SH3PXD2A: variants seen among roughly 807,000 people sequenced by gnomAD.
The protein encoded by SH3PXD2A is SH3 and PX domains 2A.
A neutral mutation model predicts 115.2 loss-of-function variants in SH3PXD2A; 32 were observed. The ratio of observed to expected loss-of-function variants is 0.28; its 90% CI spans 0.21 to 0.37. The LOEUF (loss-of-function observed/expected upper bound fraction) is 0.37, where lower values mean the gene tolerates loss of function less well. Ranked by LOEUF, SH3PXD2A falls within the 10% of genes least tolerant of loss-of-function variation. The probability of loss-of-function intolerance (pLI) is 1.00; values close to 1 mark genes in which losing one functional copy is unlikely to be tolerated. For missense variants in SH3PXD2A, 1,328 were observed against 1,498.7 expected (o/e 0.89, Z 1.88); for synonymous variants, 610 against 629.1 (o/e 0.97, Z 0.45).
intron 13 of SH3PXD2A, chr10:103,609,861 G>A (rs1325693348): frequency 6.6e-6 from 1 of 152,228 alleles, no homozygotes; most frequent in Non-Finnish European, 1.5e-5. Flanking sequence ...CTTGGGGCTG[G>A]ACTCCAATCA....
At chr10:103,680,656 A>G (rs1039138734) in intron 6 of SH3PXD2A, among the ~76,000 whole-genome samples, 2 of 152,242 alleles carry the variant, frequency 1.3e-5, no homozygotes, top group African/African-American at 4.8e-5. Flanking sequence ...TTATTCTAAC[A>G]ATAAATAACA....
intron 3 of SH3PXD2A, among the ~76,000 whole-genome samples, chr10:103,761,711 C>T (rs1303925797): frequency 1.3e-5 from 2 of 152,148 alleles, no homozygotes; most frequent in Non-Finnish European, 2.9e-5. Context: ...AGAGGCTGGA[C>T]CTCCCAGTGG....
At chr10:103,854,006 T>G (rs1842918564) in intron 1 of SH3PXD2A, among the ~76,000 whole-genome samples, 1 of 152,140 alleles carries the variant, frequency 6.6e-6, no homozygotes, top group African/African-American at 2.4e-5. Context: ...CCCTGCCTAG[T>G]CAACCTGCCT....
intron 13 of SH3PXD2A, among the ~76,000 whole-genome samples, chr10:103,608,446 A>AG (rs1554903137): frequency 5.3e-5 from 8 of 150,450 alleles, no homozygotes; most frequent in South Asian, 4.2e-4. Context: ...AAAAAAAAAA[A>AG]AAAAGAAAAA....
chr10:103,603,258 T>A lies in SH3PXD2A; in HGVS notation c.1960A>T (p.Arg654Trp). The A allele has an allele frequency of 6.2e-7, 1 of 1,614,056 alleles. No individual in the cohort carries two copies. Residue 654 changes from arginine (R) to tryptophan (W), a missense_variant, in exon 15 of 15, where the codon AGG becomes TGG. Physicochemically the swap from Arg to Trp is moderately radical, Grantham distance 101. Around this residue, in one of 5 missense-constraint regions of SH3PXD2A, gnomAD observed 574 missense variants for 565.7 expected, o/e 1.01. Transcript: ENST00000369774. ...SPGSSSLSLTRKNSPKSGSPK... is the reference protein window; with the variant it reads ...SPGSSSLSLTWKNSPKSGSPK... ...GAGCCTGATTTGGGGGAGTTTTTCC[T>A]GGTCAGGGACAGCGAGGAGCTGCCT...
At chr10:103,728,136 C>A (rs2038265672) in intron 4 of SH3PXD2A, among the ~76,000 whole-genome samples, 1 of 152,218 alleles carries the variant, frequency 6.6e-6, no homozygotes, top group Admixed American at 6.5e-5. Flanking sequence ...GGCCTCAGAG[C>A]CTCAGGACCT....
intron 1 of SH3PXD2A, among the ~76,000 whole-genome samples, chr10:103,828,033 T>A (rs192125675): frequency 2.0e-5 from 3 of 152,302 alleles, no homozygotes; most frequent in Admixed American, 2.0e-4. Context: ...GAGACCATGA[T>A]CATCATCCCT....
intron 5 of SH3PXD2A, among the ~76,000 whole-genome samples, chr10:103,708,532 TGAATGC>T (rs2038009074): frequency 1.3e-5 from 2 of 152,142 alleles, no homozygotes; most frequent in Non-Finnish European, 2.9e-5. Context: ...AAGGGGTGCA[TGAATGC>T]CCCAGCACCC....
chr10:103,758,760 G>A (rs1449245991), intron 3 of SH3PXD2A, among the ~76,000 whole-genome samples: 1 of 152,224 alleles, frequency 6.6e-6, no homozygotes. Context: ...GGAGGTTGGA[G>A]GAAAGCTGTG....
At chr10:103,659,376 T>A (rs1327015664) in intron 8 of SH3PXD2A, among the ~76,000 whole-genome samples, 4 of 152,078 alleles carry the variant, frequency 2.6e-5, no homozygotes, top group Non-Finnish European at 4.4e-5. Flanking sequence ...TAGCCAGAAG[T>A]TCTGAGAAGA....
intron 5 of SH3PXD2A, among the ~76,000 whole-genome samples, chr10:103,708,788 T>C (rs1236592216): frequency 6.6e-6 from 1 of 152,194 alleles, no homozygotes; most frequent in East Asian, 1.9e-4. Flanking sequence ...AAGTGTCCCC[T>C]GCTCGTGCCT....
Position 103,830,361 on chromosome 10 carries a change from CCAATAGG to C in SH3PXD2A, c.72+24827_72+24833del, listed in dbSNP as rs200403457. Reference sequence around the variant, plus strand: ...CTGAATCGGTCCTTAGGGAGAAGTGCCAATAGGCTGGAAGGTCTTCCGGGTATTACCA... The same window carrying C: ...CTGAATCGGTCCTTAGGGAGAAGTGCCTGGAAGGTCTTCCGGGTATTACCA... On this transcript the variant is annotated intron_variant, in intron 1 of 14. Transcript: ENST00000369774. Among the ~76,000 whole-genome samples the C allele has an allele frequency of 7.8e-3, 1,190 of 152,192 alleles. 12 individuals carry two copies. Among genetic ancestry groups the C allele is most frequent in the African/African-American group, 0.026 (1,099 of 41,538 alleles).
rs2039353805 is a variant in SH3PXD2A, at chr10:103,819,245, C to T, written c.73-17883G>A. ...TACTAAGGGACAATGTGCTGTAAGG[C>T]TAGGTCAAGAGCTGTGCCTGTTCCC... On this transcript the variant is annotated intron_variant, in intron 1 of 14. Coordinates refer to ENST00000369774, the MANE Select transcript of SH3PXD2A (RefSeq NM_001394015.1). Among the ~76,000 whole-genome samples the T allele has an allele frequency of 2.0e-5, 3 of 152,294 alleles. No homozygotes were observed. In the South Asian group the frequency reaches 6.2e-4, roughly 32 times the overall value.
intron 1 of SH3PXD2A, among the ~76,000 whole-genome samples, chr10:103,828,347 A>G (rs1301805526): frequency 6.6e-6 from 1 of 151,742 alleles, no homozygotes; most frequent in Non-Finnish European, 1.5e-5. Flanking sequence ...TTTTACCACC[A>G]CTCCTCAAAT....
At chr10:103,730,368 G>T (rs2038302903) in intron 4 of SH3PXD2A, among the ~76,000 whole-genome samples, 2 of 151,730 alleles carry the variant, frequency 1.3e-5, no homozygotes, top group African/African-American at 4.8e-5. Flanking sequence ...TGGAGGTGTG[G>T]CACAAGGGGG....
At chr10:103,659,180 G>A (rs2037254945) in intron 8 of SH3PXD2A, among the ~76,000 whole-genome samples, 1 of 152,174 alleles carries the variant, frequency 6.6e-6, no homozygotes, top group African/African-American at 2.4e-5. Context: ...CACATGCCCT[G>A]GGAATCCTGG....
intron 5 of SH3PXD2A, among the ~76,000 whole-genome samples, chr10:103,714,158 C>T (rs190364786): frequency 3.9e-4 from 60 of 152,296 alleles, no homozygotes; most frequent in African/African-American, 1.3e-3. Flanking sequence ...TTGAACACAA[C>T]ATAACAGCAA....
At chr10:103,679,384 C>G (rs914022808) in intron 6 of SH3PXD2A, among the ~76,000 whole-genome samples, 1 of 152,258 alleles carries the variant, frequency 6.6e-6, no homozygotes, top group Admixed American at 6.5e-5. Context: ...GGAGCCACCT[C>G]ATCCCAGAAG....
Position 103,604,035 on chromosome 10 carries a change from T to A in SH3PXD2A, c.1429-246A>T, listed in dbSNP as rs1158914249. Among the ~76,000 whole-genome samples, 11 of 152,364 alleles carry A rather than the reference T, an allele frequency of 7.2e-5. No individual in the cohort carries two copies. In the East Asian group the frequency reaches 2.1e-3, roughly 29 times the overall value. ...GCCAAGTTCCCTCCCTGATCCTCCA[T>A]GTCTGTGTTAACAGCCGGGTTGAGC... is the stretch of plus-strand genomic sequence containing the variant. On this transcript the variant is annotated intron_variant, in intron 14 of 14. Coordinates refer to ENST00000369774, the MANE Select transcript of SH3PXD2A (RefSeq NM_001394015.1).
Sources: allele counts gnomAD v4.1 joint callset (sites outside exome capture counted in the v4.1 genomes callset), GRCh38; gene constraint gnomAD v4.1.1; regional missense constraint gnomAD v4.1.1; transcripts MANE v1.5; gene names NCBI Gene and HGNC (gene_info 2026-07-23, HGNC 2026-07-21).